The following TRIM9 variants were observed in gnomAD, a reference collection of about 807,000 sequenced individuals.
The protein encoded by TRIM9 is E3 ubiquitin-protein ligase TRIM9.
In TRIM9, 26 loss-of-function variants were observed where a neutral mutation model predicts 78.3. That is an observed-to-expected ratio of 0.33 (90% confidence interval 0.24 to 0.46). The LOEUF (loss-of-function observed/expected upper bound fraction) is 0.46. Among genes scored for constraint, TRIM9 ranks in the 20% least tolerant of loss-of-function variants. TRIM9 has a pLI of 1.00. For missense variants in TRIM9, 787 were observed against 1,036.4 expected (o/e 0.76, Z 3.30); for synonymous variants, 398 against 416.5 (o/e 0.96, Z 0.54).
intron 1 of TRIM9, among the ~76,000 whole-genome samples, chr14:51,053,001 T>C (rs993720027): frequency 6.6e-6 from 1 of 151,910 alleles, no homozygotes; most frequent in African/African-American, 2.4e-5. Flanking sequence ...TATAAAAATG[T>C]ACAAGGACAA....
At chr14:51,042,500 G>A (rs1351140958) in intron 1 of TRIM9, among the ~76,000 whole-genome samples, 1 of 152,160 alleles carries the variant, frequency 6.6e-6, no homozygotes. Flanking sequence ...GTTGTAAAGT[G>A]AAATACTTTG....
intron 1 of TRIM9, among the ~76,000 whole-genome samples, chr14:51,091,740 T>C (rs2064349610): frequency 6.6e-6 from 1 of 152,200 alleles, no homozygotes; most frequent in Non-Finnish European, 1.5e-5. Flanking sequence ...CTTACTGTTT[T>C]GGAAAAAATG....
chr14:51,022,157 T>C (rs2057815788), intron 3 of TRIM9, among the ~76,000 whole-genome samples: 2 of 152,226 alleles, frequency 1.3e-5, no homozygotes, highest in African/African-American at 4.8e-5. Context: ...CCAAAACCCA[T>C]GTTGAAATGT....
chr14:51,073,372 T>C (rs1186105881), intron 1 of TRIM9, among the ~76,000 whole-genome samples: 1 of 152,198 alleles, frequency 6.6e-6, no homozygotes, highest in Non-Finnish European at 1.5e-5. Context: ...TGCACTACTC[T>C]TAGTAGCTCA....
intron 7 of TRIM9, among the ~76,000 whole-genome samples, chr14:50,992,559 G>T (rs2139422248): frequency 6.6e-6 from 1 of 151,678 alleles, no homozygotes; most frequent in Non-Finnish European, 1.5e-5. Flanking sequence ...GTGACAGAGT[G>T]AGACTCTGTC....
In TRIM9 at chr14:50,986,084, C is replaced by A; in HGVS notation, c.1664G>T (p.Arg555Leu). The stretch of plus-strand genomic sequence containing the variant: ...GGTGGAGGAGAAAGGACTCATTCTA[C>A]GGAGCGGCAATCTTTCCGAAGGCAC... ...FPVPSERLPLRRMSPFSSTLN... is the reference protein window; with the variant it reads ...FPVPSERLPLLRMSPFSSTLN... The change falls in exon 8 of 13, where the codon CGT (arginine) becomes CTT (leucine). Residue 555 changes from arginine (R) to leucine (L), a missense_variant. By Grantham distance (102) the Arg-to-Leu change is moderately radical. Around this residue, in one of 3 missense-constraint regions of TRIM9, gnomAD observed 421 missense variants for 514.3 expected, o/e 0.82. Transcript: ENST00000684578. The A allele has an allele frequency of 6.5e-7, 1 of 1,548,166 alleles. No homozygotes were observed. The highest frequency in any genetic ancestry group is 8.7e-7 in the Non-Finnish European group (1 of 1,145,708).
intron 1 of TRIM9, among the ~76,000 whole-genome samples, chr14:51,086,567 C>T (rs1032063154): frequency 3.3e-5 from 5 of 152,028 alleles, no homozygotes; most frequent in African/African-American, 7.2e-5. Flanking sequence ...AGTACAGAAA[C>T]GGAGTAAAAG....
intron 1 of TRIM9, among the ~76,000 whole-genome samples, chr14:51,047,440 ACAGAGCTTAGAAAAC>A: frequency 6.6e-6 from 1 of 152,210 alleles, no homozygotes; most frequent in East Asian, 1.9e-4. Context: ...AGGAATGAAC[ACAGAGCTTAGAAAAC>A]CATTCGGTGC....
At chr14:51,047,479 T>C (rs1461259619) in intron 1 of TRIM9, among the ~76,000 whole-genome samples, 1 of 152,146 alleles carries the variant, frequency 6.6e-6, no homozygotes, top group African/African-American at 2.4e-5. Context: ...GAGGACACCA[T>C]AGGACTGATT....
chr14:50,997,654 G>C, intron 7 of TRIM9: 1 of 1,082,644 alleles, frequency 9.2e-7, no homozygotes, highest in African/African-American at 1.6e-5. Context: ...GTACTACAGA[G>C]TAATTTAGAA....
At chr14:51,080,263 C>T (rs1212111858) in intron 1 of TRIM9, among the ~76,000 whole-genome samples, 1 of 150,896 alleles carries the variant, frequency 6.6e-6, no homozygotes, top group Admixed American at 6.6e-5. Flanking sequence ...AATGAGGGAA[C>T]ATTCATGTTA....
chr14:51,083,748 T>C (rs1241387513), intron 1 of TRIM9, among the ~76,000 whole-genome samples: 1 of 152,180 alleles, frequency 6.6e-6, no homozygotes, highest in Non-Finnish European at 1.5e-5. Flanking sequence ...CAGCGAGCTT[T>C]AGGGTTCAAT....
At chr14:51,014,396 T>A (rs1464814099) in intron 3 of TRIM9, among the ~76,000 whole-genome samples, 1 of 152,160 alleles carries the variant, frequency 6.6e-6, no homozygotes, top group Non-Finnish European at 1.5e-5. Flanking sequence ...TATTCTTGAG[T>A]TCCTGGCTCT....
rs142544745 is a variant in TRIM9, at chr14:51,017,651, G to C, written c.1041+5184C>G. Among the ~76,000 whole-genome samples, 328 of 152,360 alleles carry C rather than the reference G, an allele frequency of 2.2e-3. 5 individuals are homozygous for C. Among genetic ancestry groups the C allele is most frequent in the East Asian group, 0.016 (83 of 5,182 alleles). On this transcript the variant is annotated intron_variant, in intron 3 of 12. Transcript: ENST00000684578. ...GAAGCAGTATGATGTTTTGTAGCAT[G>C]TGAAGTGTAGCAAGGTATAGTGGAT...
chr14:51,092,504 C>A (rs1274920672), intron 1 of TRIM9, among the ~76,000 whole-genome samples: 2 of 152,208 alleles, frequency 1.3e-5, no homozygotes, highest in Non-Finnish European at 2.9e-5. Flanking sequence ...TTCTGGGAGA[C>A]TCTGAGCAAG....
At chr14:50,988,309 G>A (rs1057213921) in intron 7 of TRIM9, 3 of 152,188 alleles carry the variant, frequency 2.0e-5, no homozygotes, top group African/African-American at 7.2e-5. Context: ...ACCTTGGGGA[G>A]TGTATCCAAT....
In TRIM9 at chr14:50,979,474, A is replaced by T. The variant is rs1187457308; in HGVS notation, c.2238T>A (p.Phe746Leu). 1 of 1,614,210 alleles carries T rather than the reference A, an allele frequency of 6.2e-7. No homozygotes were observed. The highest frequency in any genetic ancestry group is 8.5e-7 in the Non-Finnish European group (1 of 1,180,030). Residue 746 changes from phenylalanine (F) to leucine (L), a missense_variant, in exon 12 of 13, where the codon TTT (phenylalanine) becomes TTA (leucine). Coordinates refer to ENST00000684578, the MANE Select transcript of TRIM9 (RefSeq NM_001387360.1). ...TGGGACCTTGTTGTTCATCGTTGATAAAAAATGTCAAGTTTTTTCTATTTA... is the reference window on the plus strand; with the variant it reads ...TGGGACCTTGTTGTTCATCGTTGATTAAAAATGTCAAGTTTTTTCTATTTA... ...LDLNRKNLTF[F>L]INDEQQGPIA...
At chr14:51,019,369 T>C (rs148383706) in intron 3 of TRIM9, among the ~76,000 whole-genome samples, 71 of 152,372 alleles carry the variant, frequency 4.7e-4, no homozygotes, top group East Asian at 3.1e-3. Context: ...TCCCAGCATC[T>C]TATCAAACCA....
chr14:51,023,595 G>A (rs1241909262), intron 2 of TRIM9, among the ~76,000 whole-genome samples: 2 of 152,168 alleles, frequency 1.3e-5, no homozygotes, highest in East Asian at 3.8e-4. Flanking sequence ...GTGAATTATA[G>A]CTTCCCTGTG....
Sources: gnomAD v4.1 joint callset for allele counts (sites outside exome capture counted in the v4.1 genomes callset) on GRCh38, gnomAD v4.1.1 for gene constraint, gnomAD v4.1.1 regional missense constraint, MANE v1.5 for transcripts, NCBI Gene and HGNC (gene_info 2026-07-23, HGNC 2026-07-21) for gene names.